The following FHOD3 variants were observed in gnomAD, a reference collection of about 807,000 sequenced individuals.
FHOD3 encodes the protein FH1/FH2 domain-containing protein 3.
A neutral mutation model predicts 173.0 loss-of-function variants in FHOD3; 90 were observed. The observed-to-expected ratio is 0.52, with a 90% CI of 0.44 to 0.62. The LOEUF is 0.62. FHOD3 is among the 20% of genes least tolerant of loss of function. The probability of loss-of-function intolerance (pLI) is 0.00; values close to 1 mark genes in which losing one functional copy is unlikely to be tolerated. For synonymous variants in FHOD3, 828 were observed against 823.0 expected, an observed-to-expected ratio of 1.01 and a Z score of -0.10; for missense variants, 1,945 against 2,034.7, an observed-to-expected ratio of 0.96 and a Z score of 0.85.
chr18:36,683,562 A>G (rs902514908), intron 15 of FHOD3, among the ~76,000 whole-genome samples: 5 of 152,226 alleles, frequency 3.3e-5, no homozygotes, highest in East Asian at 3.8e-4. Flanking sequence ...TACCTTCACT[A>G]TTACTTGGCA....
intron 3 of FHOD3, among the ~76,000 whole-genome samples, chr18:36,444,062 G>A (rs996978787): frequency 7.9e-5 from 12 of 151,840 alleles, no homozygotes; most frequent in Admixed American, 2.6e-4. Context: ...GGGCAGTGGC[G>A]GGCGCCTGTA....
intron 10 of FHOD3, among the ~76,000 whole-genome samples, chr18:36,627,313 T>C (rs780911628): frequency 1.1e-4 from 17 of 152,192 alleles, no homozygotes; most frequent in Admixed American, 2.0e-4. Context: ...ACCTTGTCAG[T>C]AGTACTTGGT....
chr18:36,458,946 A>G (rs1599207906), intron 3 of FHOD3, among the ~76,000 whole-genome samples: 1 of 152,106 alleles, frequency 6.6e-6, no homozygotes, highest in East Asian at 1.9e-4. Context: ...ACATTTGACT[A>G]TGTTGCCTTT....
intron 3 of FHOD3, among the ~76,000 whole-genome samples, chr18:36,429,618 T>C (rs1223997815): frequency 1.3e-5 from 2 of 151,970 alleles, no homozygotes; most frequent in African/African-American, 4.8e-5. Context: ...ATTCTTAGGA[T>C]TGGAGAACTA....
chr18:36,677,489 T>C (rs2149368412), intron 14 of FHOD3, among the ~76,000 whole-genome samples: 1 of 152,300 alleles, frequency 6.6e-6, no homozygotes, highest in Middle Eastern at 3.4e-3. Context: ...CTCAGCACCA[T>C]TTGTTAAACA....
At chr18:36,424,077 C>T (rs1308584608) in intron 3 of FHOD3, among the ~76,000 whole-genome samples, 2 of 152,192 alleles carry the variant, frequency 1.3e-5, no homozygotes, top group African/African-American at 2.4e-5. Flanking sequence ...CACCTACACA[C>T]ACCTAAAGCA....
intron 2 of FHOD3, among the ~76,000 whole-genome samples, chr18:36,365,759 G>C (rs971837290): frequency 2.0e-5 from 3 of 152,146 alleles, no homozygotes; most frequent in African/African-American, 7.2e-5. Flanking sequence ...GGCCGGGCTA[G>C]GTGTGGGGAG....
At chr18:36,758,051 T>G (rs1160813252) in intron 25 of FHOD3, among the ~76,000 whole-genome samples, 1 of 152,202 alleles carries the variant, frequency 6.6e-6, no homozygotes, top group Non-Finnish European at 1.5e-5. Context: ...GCCAATATTT[T>G]ATATATGTAG....
chr18:36,515,318 C>T (rs976166305), intron 5 of FHOD3, among the ~76,000 whole-genome samples: 4 of 152,144 alleles, frequency 2.6e-5, no homozygotes, highest in Non-Finnish European at 4.4e-5. Context: ...CCCAGGTTCA[C>T]GCCATTATCC....
Position 36,718,435 on chromosome 18 carries a change from C to T in FHOD3, c.3137C>T (p.Pro1046Leu), listed in dbSNP as rs1335846396. 6.2e-7 allele frequency: 1 copy of T among 1,604,476 alleles called. No homozygotes were observed. The highest frequency in any genetic ancestry group is 1.1e-5 in the South Asian group (1 of 90,738). The change falls in exon 19 of 29, where the codon CCC (proline) becomes CTC (leucine). Residue 1046 changes from proline to leucine, a missense_variant. Physicochemically the swap from Pro to Leu is moderately conservative, Grantham distance 98. Transcript: ENST00000590592. ...CCGCCCCTGTTGGACAGCATTCCTC[C>T]CCCTCCTGTCCCTGGTAATTTATTG... ...PPPPLLDSIPPPPVPGNLLVP... is the reference protein window; with the variant it reads ...PPPPLLDSIPLPPVPGNLLVP...
intron 3 of FHOD3, among the ~76,000 whole-genome samples, chr18:36,443,491 C>T (rs1466272914): frequency 1.3e-5 from 2 of 152,196 alleles, no homozygotes; most frequent in East Asian, 1.9e-4. Context: ...TCTTGTGTCA[C>T]TTAAACATTC....
chr18:36,654,390 G>A (rs1470749192), intron 13 of FHOD3, among the ~76,000 whole-genome samples: 1 of 152,158 alleles, frequency 6.6e-6, no homozygotes, highest in Non-Finnish European at 1.5e-5. Context: ...GTTTTGAGAA[G>A]CCTGTCTACA....
intron 3 of FHOD3, among the ~76,000 whole-genome samples, chr18:36,417,098 G>A (rs147001722): frequency 3.9e-5 from 6 of 152,202 alleles, no homozygotes; most frequent in East Asian, 1.9e-4. Flanking sequence ...CAGGGAGTAC[G>A]TGTGCAGGTT....
intron 5 of FHOD3, among the ~76,000 whole-genome samples, chr18:36,523,856 G>A (rs1377881706): frequency 6.6e-6 from 1 of 152,180 alleles, no homozygotes; most frequent in East Asian, 1.9e-4. Flanking sequence ...CATATTAATT[G>A]CTGTAGGATT....
chr18:36,688,264 C>G (rs189704092), intron 16 of FHOD3, among the ~76,000 whole-genome samples: 1 of 152,206 alleles, frequency 6.6e-6, no homozygotes, highest in Non-Finnish European at 1.5e-5. Flanking sequence ...GCTTTTAACA[C>G]CTTTTATGCT....
chr18:36,402,506 T>TAC (rs146120105), intron 3 of FHOD3, among the ~76,000 whole-genome samples: 31,515 of 143,834 alleles, frequency 0.22, 3,521 homozygotes, highest in East Asian at 0.37. Context: ...GATGCAATTA[T>TAC]ACACACACAC....
chr18:36,652,752 C>T lies in FHOD3; in HGVS notation c.1469C>T (p.Ser490Leu), dbSNP rs780930057. The change falls in exon 12 of 29, where the codon TCA becomes TTA. Residue 490 changes from serine to leucine, a missense_variant. Ser to Leu is a moderately radical substitution (Grantham distance 145). This residue lies in a region of FHOD3 where 1,099 missense variants were observed against 1,051.2 expected (regional missense o/e 1.05). Coordinates refer to ENST00000590592, the MANE Select transcript of FHOD3 (RefSeq NM_001281740.3). ...GAGGCCACCCCATCTGCCCTCCTGTCACCCCCTGCCTCAGCTGCTCGGCCC... is the reference window on the plus strand; with the variant it reads ...GAGGCCACCCCATCTGCCCTCCTGTTACCCCCTGCCTCAGCTGCTCGGCCC... ...GSEATPSALL[S>L]PPASAARPSS... is the part of the protein sequence containing the mutation. 388 of 1,535,820 alleles carry T rather than the reference C, an allele frequency of 2.5e-4. No individual in the cohort carries two copies. The highest frequency in any genetic ancestry group is 3.1e-4 in the Non-Finnish European group (359 of 1,146,732).
At chr18:36,401,296 T>A (rs1356271212) in intron 3 of FHOD3, among the ~76,000 whole-genome samples, 1 of 152,088 alleles carries the variant, frequency 6.6e-6, no homozygotes, top group Non-Finnish European at 1.5e-5. Flanking sequence ...TGAGGACACA[T>A]ACACAGTGCT....
chr18:36,386,934 C>G (rs1321827849), intron 3 of FHOD3, among the ~76,000 whole-genome samples: 2 of 152,196 alleles, frequency 1.3e-5, no homozygotes, highest in African/African-American at 4.8e-5. Context: ...GGTAGAACTT[C>G]TGATGTCACC....
Sources: gnomAD v4.1 joint callset for allele counts (sites outside exome capture counted in the v4.1 genomes callset) on GRCh38, gnomAD v4.1.1 for gene constraint, gnomAD v4.1.1 regional missense constraint, MANE v1.5 for transcripts, NCBI Gene and HGNC (gene_info 2026-07-23, HGNC 2026-07-21) for gene names.